Variants in PCED1B observed in about 807,000 individuals in gnomAD.
PCED1B encodes PC-esterase domain containing 1B, also known as PC-esterase domain-containing protein 1B.
For missense variants in PCED1B, 573 were observed against 573.9 expected, an observed-to-expected ratio of 1.00 and a Z score of 0.02; for synonymous variants, 251 against 246.1, an observed-to-expected ratio of 1.02 and a Z score of -0.19.
intron 2 of PCED1B, among the ~76,000 whole-genome samples, chr12:47,140,230 T>A (rs1183893243): frequency 6.6e-6 from 1 of 152,252 alleles, no homozygotes. Context: ...TTGCTTTTGC[T>A]ACATCATCCT....
At chr12:47,084,039 C>T (rs1937865377) in intron 1 of PCED1B, among the ~76,000 whole-genome samples, 2 of 152,158 alleles carry the variant, frequency 1.3e-5, no homozygotes, top group Non-Finnish European at 2.9e-5. Flanking sequence ...TCACCACTAT[C>T]TTAATTACAG....
chr12:47,229,591 C>T (rs55799908), intron 3 of PCED1B, among the ~76,000 whole-genome samples: 1 of 152,036 alleles, frequency 6.6e-6, no homozygotes, highest in Admixed American at 6.5e-5. Flanking sequence ...TACACATAGC[C>T]TGAAGGTAAT....
chr12:47,188,990 T>C (rs1473640979), intron 2 of PCED1B, among the ~76,000 whole-genome samples: 1 of 152,138 alleles, frequency 6.6e-6, no homozygotes, highest in Non-Finnish European at 1.5e-5. Flanking sequence ...TTTCTCTCCA[T>C]GTTTACTCAA....
At chr12:47,137,997 C>T (rs1940453546) in intron 2 of PCED1B, among the ~76,000 whole-genome samples, 2 of 152,140 alleles carry the variant, frequency 1.3e-5, no homozygotes, top group East Asian at 1.9e-4. Flanking sequence ...ATGAACAGTT[C>T]GAATTATCTG....
intron 2 of PCED1B, among the ~76,000 whole-genome samples, chr12:47,110,652 C>G (rs980167339): frequency 1.3e-5 from 2 of 152,130 alleles, no homozygotes; most frequent in Non-Finnish European, 2.9e-5. Flanking sequence ...TCTTGAATTT[C>G]AAGTAAGAAA....
chr12:47,108,500 G>C (rs746085635), intron 2 of PCED1B, among the ~76,000 whole-genome samples: 1 of 152,084 alleles, frequency 6.6e-6, no homozygotes, highest in East Asian at 1.9e-4. Context: ...CCACATCTTC[G>C]CCAGGCTTGT....
intron 2 of PCED1B, among the ~76,000 whole-genome samples, chr12:47,126,746 A>G (rs529059651): frequency 5.9e-5 from 9 of 152,124 alleles, no homozygotes; most frequent in Non-Finnish European, 1.0e-4. Flanking sequence ...CTTTCAAGGA[A>G]TTCATCTATG....
intron 1 of PCED1B, 173 bp downstream of exon 1, chr12:47,079,898 G>A (rs954316881): frequency 5.3e-5 from 8 of 151,288 alleles, no homozygotes; most frequent in African/African-American, 1.9e-4. Flanking sequence ...CGGGAGACGG[G>A]CTGGGGCGCC....
At chr12:47,104,449 C>T (rs879539259) in intron 2 of PCED1B, among the ~76,000 whole-genome samples, 2 of 152,206 alleles carry the variant, frequency 1.3e-5, no homozygotes, top group Admixed American at 6.5e-5. Flanking sequence ...ATACTTACAA[C>T]AGTGTCTACC....
chr12:47,194,110 C>T (rs1942528477), intron 2 of PCED1B, among the ~76,000 whole-genome samples: 2 of 152,210 alleles, frequency 1.3e-5, no homozygotes, highest in African/African-American at 2.4e-5. Flanking sequence ...CAGCATTTTT[C>T]AGATAACTTC....
intron 1 of PCED1B, among the ~76,000 whole-genome samples, chr12:47,095,466 T>C (rs142031422): frequency 1.3e-3 from 205 of 152,312 alleles, no homozygotes; most frequent in African/African-American, 4.8e-3. Flanking sequence ...AATACATAGA[T>C]ATTCTTATCC....
chr12:47,166,741 C>T (rs1373144402), intron 2 of PCED1B, among the ~76,000 whole-genome samples: 2 of 152,070 alleles, frequency 1.3e-5, no homozygotes, highest in Non-Finnish European at 2.9e-5. Context: ...AAAAGCATCT[C>T]CTGTGTCAAA....
intron 3 of PCED1B, among the ~76,000 whole-genome samples, chr12:47,222,266 AAAAAAATTAGCCGGGCGT>A (rs1286017436): frequency 3.3e-5 from 5 of 151,580 alleles, no homozygotes; most frequent in African/African-American, 1.2e-4. Context: ...CTAAAAATAC[AAAAAAATTAGCCGGGCGT>A]GGTAGCACGT....
At chr12:47,173,465 G>T (rs1222532320) in intron 2 of PCED1B, among the ~76,000 whole-genome samples, 1 of 152,146 alleles carries the variant, frequency 6.6e-6, no homozygotes, top group Non-Finnish European at 1.5e-5. Flanking sequence ...TGTTAGTCAG[G>T]ATGGTCTCGA....
In PCED1B at chr12:47,131,937, G is replaced by A. The variant is rs184391245; in HGVS notation, c.-526+27742G>A. On this transcript the variant is annotated intron_variant, in intron 2 of 3. Coordinates refer to ENST00000546455, the MANE Select transcript of PCED1B (RefSeq NM_138371.3). ...CCACCTCCACCTCCCAAAGTGCTGG[G>A]ATTACAGGCGTGAGCCACCGTGCCC... 3.0e-3 allele frequency among the ~76,000 whole-genome samples: 449 copies of A among 152,148 alleles called. 3 individuals are homozygous for A. Among genetic ancestry groups the A allele is most frequent in the Non-Finnish European group, 5.3e-3 (359 of 68,016 alleles).
chr12:47,236,434 G>A lies in PCED1B; in HGVS notation c.*72G>A, dbSNP rs1033286595. The A allele has an allele frequency of 7.2e-7, 1 of 1,395,446 alleles. No homozygotes were observed. 86.4% of individuals were successfully genotyped at this position (1,395,446 alleles called of 1,614,324 possible). ...TCTGACACTTCCTTTCCATTGCTTG[G>A]CCTGAACAGACTGACCTTGTTAACT... On this transcript the variant is annotated 3_prime_UTR_variant, in exon 4 of 4. Transcript: ENST00000546455.
At chr12:47,226,519 G>C (rs972556014) in intron 3 of PCED1B, among the ~76,000 whole-genome samples, 1 of 152,108 alleles carries the variant, frequency 6.6e-6, no homozygotes, top group African/African-American at 2.4e-5. Context: ...GATTACAGGC[G>C]CATGCCACCA....
Position 47,229,862 on chromosome 12 carries a change from C to T in PCED1B, c.-57-5145C>T, listed in dbSNP as rs367949731. ...TTGGCTCATTGCAAGCTCTGCCTCC[C>T]GGGTTCCTGCCATTCTCCTGCCTCA... is the stretch of plus-strand genomic sequence containing the variant. On this transcript the variant is annotated intron_variant, in intron 3 of 3. Transcript: ENST00000546455. 3.3e-3 allele frequency among the ~76,000 whole-genome samples: 497 copies of T among 151,832 alleles called. 2 individuals carry two copies. Among genetic ancestry groups the T allele is most frequent in the African/African-American group, 0.011 (461 of 41,412 alleles).
chr12:47,235,988 C>T lies in PCED1B; in HGVS notation c.925C>T (p.Arg309Cys), dbSNP rs775219066. The T allele has an allele frequency of 4.3e-6, 7 of 1,612,332 alleles. No homozygotes were observed. Among genetic ancestry groups the T allele is most frequent in the South Asian group, 1.1e-5 (1 of 90,792 alleles). Residue 309 changes from arginine to cysteine, a missense_variant, in exon 4 of 4, where the codon CGC becomes TGC. By Grantham distance (180) the Arg-to-Cys change is radical (BLOSUM62 -3). Transcript: ENST00000546455. ...CCCCCTGCTTGGGTTCCCACCCCAGCGCTTGCCGCTGCTCCCGCTCCTGTC... is the reference window on the plus strand; with the variant it reads ...CCCCCTGCTTGGGTTCCCACCCCAGTGCTTGCCGCTGCTCCCGCTCCTGTC... ...YRPLLGFPPQ[R>C]LPLLPLLSPQ...
Sources: allele counts gnomAD v4.1 joint callset (sites outside exome capture counted in the v4.1 genomes callset), GRCh38; gene constraint gnomAD v4.1.1; transcripts MANE v1.5; gene names NCBI Gene and HGNC (gene_info 2026-07-23, HGNC 2026-07-21).